The following NF1 variants were observed in gnomAD, a reference collection of about 807,000 sequenced individuals.
NF1 encodes the protein neurofibromin.
NF1 carries 122 observed loss-of-function variants against 325.7 expected under a neutral mutation model. The ratio of observed to expected loss-of-function variants is 0.37; its 90% confidence interval spans 0.32 to 0.44. NF1 has a LOEUF of 0.44. Ranked by LOEUF, NF1 falls within the 20% of genes least tolerant of loss-of-function variation. The probability of loss-of-function intolerance (pLI) is 1.00; values close to 1 mark genes in which losing one functional copy is unlikely to be tolerated. For synonymous variants in NF1, 1,091 were observed against 1,186.0 expected (o/e 0.92, Z 1.65); for missense variants, 2,140 against 3,415.4 (o/e 0.63, Z 9.31).
intron 36 of NF1, among the ~76,000 whole-genome samples, chr17:31,285,700 G>C (rs1262442544): frequency 6.6e-6 from 1 of 152,110 alleles, no homozygotes; most frequent in East Asian, 1.9e-4. Context: ...AAAATTAGTA[G>C]AGTGTGGTGA....
At chr17:31,322,328 A>C (rs1213269164) in intron 36 of NF1, among the ~76,000 whole-genome samples, 1 of 151,700 alleles carries the variant, frequency 6.6e-6, no homozygotes, top group African/African-American at 2.4e-5. Flanking sequence ...AAAAATATAA[A>C]AATTAACCAG....
intron 36 of NF1, among the ~76,000 whole-genome samples, chr17:31,291,199 A>G (rs2068337291): frequency 6.6e-6 from 1 of 152,142 alleles, no homozygotes; most frequent in African/African-American, 2.4e-5. Context: ...ATCCCACCAA[A>G]GTCCTCTGTA....
intron 1 of NF1, among the ~76,000 whole-genome samples, chr17:31,125,651 C>T (rs1914814649): frequency 6.6e-6 from 1 of 152,028 alleles, no homozygotes; most frequent in Admixed American, 6.6e-5. Context: ...ATTCTCCTGC[C>T]TCAGCCTCCT....
chr17:31,322,999 C>A (rs764766236), intron 36 of NF1, among the ~76,000 whole-genome samples: 28 of 152,176 alleles, frequency 1.8e-4, no homozygotes, highest in Non-Finnish European at 2.8e-4. Flanking sequence ...GGTCATACCA[C>A]CCTTTCTTTA....
intron 52 of NF1, 118 bp from the exon 53 acceptor site, chr17:31,356,842 T>C: frequency 7.0e-7 from 1 of 1,421,938 alleles, no homozygotes; most frequent in Non-Finnish European, 9.8e-7. Context: ...ATGATGTTTA[T>C]GTTAGTATTT....
At chr17:31,134,055 G>A (rs1045703706) in intron 1 of NF1, among the ~76,000 whole-genome samples, 1 of 152,070 alleles carries the variant, frequency 6.6e-6, no homozygotes, top group Non-Finnish European at 1.5e-5. Context: ...GCTCTGTCAT[G>A]CAGACTAGAG....
intron 36 of NF1, among the ~76,000 whole-genome samples, chr17:31,293,208 A>AAAAAAAAAAG: frequency 7.2e-6 from 1 of 138,534 alleles, no homozygotes; most frequent in Non-Finnish European, 1.5e-5. Context: ...AAAAAAAAAA[A>AAAAAAAAAAG]AAAGAAACCT....
In NF1 at chr17:31,360,529, C is replaced by G. The variant is rs1320931283; in HGVS notation, c.8203C>G (p.Leu2735Val). Residue 2735 changes from leucine (L) to valine (V), a missense_variant, in exon 57 of 58, where the codon CTT becomes GTT. Leu to Val is a conservative substitution (Grantham distance 32). Transcript: ENST00000358273. ...PDYAELIVKFLDALIDTYLPG... is the reference protein window; with the variant it reads ...PDYAELIVKFVDALIDTYLPG... ...CTATGCTGAGCTTATTGTTAAGTTT[C>G]TTGATGCCTTGATTGACACGTACCT... 6.2e-7 allele frequency: 1 copy of G among 1,614,106 alleles called. No homozygotes were observed. The highest frequency in any genetic ancestry group is 8.5e-7 in the Non-Finnish European group (1 of 1,180,012).
intron 18 of NF1, 64 bp downstream of exon 18, chr17:31,226,748 G>T: frequency 6.2e-7 from 1 of 1,604,462 alleles, no homozygotes; most frequent in Non-Finnish European, 8.5e-7. Context: ...CTGATTTTGA[G>T]AATGTATTTA....
Position 31,316,752 on chromosome 17 carries a change from GTTAACAC to G in NF1, c.4836-9062_4836-9056del, listed in dbSNP as rs559562576. ...ATTCTCATGCTTTCCTTTTTACTTT[GTTAACAC>G]TTAACTTTATCTGGAATAATATTGT... On this transcript the variant is annotated intron_variant, in intron 36 of 57. Coordinates refer to ENST00000358273, the MANE Select transcript of NF1 (RefSeq NM_001042492.3). Among the ~76,000 whole-genome samples the G allele has an allele frequency of 2.9e-4, 44 of 152,078 alleles. 1 individual carries two copies. The South Asian group carries it at 8.9e-3, about 31-fold the overall frequency.
chr17:31,112,689 G>A (rs1032777046), intron 1 of NF1, among the ~76,000 whole-genome samples: 2 of 152,120 alleles, frequency 1.3e-5, no homozygotes, highest in African/African-American at 4.8e-5. Context: ...TCAGATAAAT[G>A]ATTTGCAAGT....
At chr17:31,352,093 C>T (rs1385577681) in intron 50 of NF1, among the ~76,000 whole-genome samples, 164 bp from the exon 51 acceptor site, 1 of 152,120 alleles carries the variant, frequency 6.6e-6, no homozygotes, top group Non-Finnish European at 1.5e-5. Flanking sequence ...TTGATAATTC[C>T]TAGGGATACA....
chr17:31,284,745 A>G (rs182282570), intron 36 of NF1, among the ~76,000 whole-genome samples: 9 of 152,266 alleles, frequency 5.9e-5, no homozygotes, highest in East Asian at 5.8e-4. Flanking sequence ...TGAATCACCT[A>G]TGGTTCATTT....
chr17:31,332,754 G>A (rs1393191175), intron 39 of NF1, among the ~76,000 whole-genome samples: 1 of 37,262 alleles, frequency 2.7e-5, no homozygotes, highest in African/African-American at 6.8e-5. Flanking sequence ...ACAGTCCCCA[G>A]AGTGTGATAT....
At position 31,360,633 on chromosome 17, in the gene NF1, G is replaced by T. The variant is rs774806968; in HGVS notation, c.8307G>T (p.Gln2769His). The T allele has an allele frequency of 6.2e-7, 1 of 1,614,104 alleles. No homozygotes were observed. Among genetic ancestry groups the T allele is most frequent in the Non-Finnish European group, 8.5e-7 (1 of 1,180,014 alleles). ...TSPYPPALQS[Q>H]LSITANLNLS... ...CTTACCCTCCTGCACTGCAGAGCCA[G>T]CTTAGTATCACTGCCAACCTTAACC... Residue 2769 changes from glutamine to histidine, a missense_variant, in exon 57 of 58, where the codon CAG (glutamine) becomes CAT (histidine). This residue lies in a region of NF1 where 522 missense variants were observed against 749.0 expected (regional missense o/e 0.70). Transcript: ENST00000358273.
At chr17:31,150,798 G>C (rs1488245141) in intron 1 of NF1, among the ~76,000 whole-genome samples, 1 of 152,010 alleles carries the variant, frequency 6.6e-6, no homozygotes, top group Non-Finnish European at 1.5e-5. Flanking sequence ...TTGGGAGGCC[G>C]AGGTGGGTGG....
At position 31,376,699 on chromosome 17, in the gene NF1, G is replaced by A. The variant is rs1203880138; in HGVS notation, c.*2544G>A. The A allele has an allele frequency of 8.6e-6, 2 of 232,910 alleles. No individual in the cohort carries two copies. Among genetic ancestry groups the A allele is most frequent in the Admixed American group, 5.6e-5 (1 of 17,776 alleles). The allele number at this position is 232,910 out of a possible 1,614,324, so 14.4% of individuals were successfully genotyped here. A position where few individuals can be genotyped will look rare whatever the true frequency, so the allele number is the denominator to read the frequency against. ...TTTCTGCGTAATTGACATAAGTTCT[G>A]TTAAAAATATTATAAGTAATTCGTT... On this transcript the variant is annotated 3_prime_UTR_variant, in exon 58 of 58. Transcript: ENST00000358273.
chr17:31,311,783 G>T (rs1197701315), intron 36 of NF1, among the ~76,000 whole-genome samples: 2 of 152,148 alleles, frequency 1.3e-5, no homozygotes, highest in Non-Finnish European at 2.9e-5. Context: ...TGCTAATCTT[G>T]TGCCAGAACC....
intron 1 of NF1, among the ~76,000 whole-genome samples, chr17:31,126,992 TA>T (rs1391224958): frequency 4.6e-5 from 7 of 152,220 alleles, no homozygotes; most frequent in Non-Finnish European, 1.0e-4. Context: ...GATCCACTTT[TA>T]TTTTTTTGCC....
Sources: allele counts gnomAD v4.1 joint callset (sites outside exome capture counted in the v4.1 genomes callset), GRCh38; gene constraint gnomAD v4.1.1; regional missense constraint gnomAD v4.1.1; transcripts MANE v1.5; gene names NCBI Gene and HGNC (gene_info 2026-07-23, HGNC 2026-07-21).